Variants in IL7 observed in about 807,000 individuals in gnomAD.
IL7 encodes interleukin-7.
In IL7, 3 loss-of-function variants were observed where a neutral mutation model predicts 21.6. That is an observed-to-expected ratio of 0.14 (90% CI 0.06 to 0.36). The LOEUF is 0.36. Among genes scored for constraint, IL7 ranks in the 10% least tolerant of loss-of-function variants. The probability of loss-of-function intolerance (pLI) is 1.00; values close to 1 mark genes in which losing one functional copy is unlikely to be tolerated. For synonymous variants in IL7, 62 were observed against 68.1 expected, an observed-to-expected ratio of 0.91 and a Z score of 0.44; for missense variants, 175 against 200.2, an observed-to-expected ratio of 0.87 and a Z score of 0.76.
At chr8:78,775,222 C>A (rs770640302) in intron 2 of IL7, among the ~76,000 whole-genome samples, 1 of 152,020 alleles carries the variant, frequency 6.6e-6, no homozygotes, top group Non-Finnish European at 1.5e-5. Flanking sequence ...CTATATGATT[C>A]AACAATTGGC....
At position 78,780,643 on chromosome 8, in the gene IL7, A is replaced by G. The variant is rs1197315193; in HGVS notation, c.147+17429T>C. ...TTTGGCATTTGCTGAGGAGTGTTTT[A>G]CATCCAATTATGTGGTTGATTTTAC... On this transcript the variant is annotated intron_variant, in intron 2 of 5. Transcript: ENST00000263851. Among the ~76,000 whole-genome samples, 5 of 152,168 alleles carry G rather than the reference A, an allele frequency of 3.3e-5. No homozygotes were observed. The East Asian group carries it at 9.6e-4, about 29-fold the overall frequency.
At position 78,805,219 on chromosome 8, in the gene IL7, C is replaced by A. The variant is rs995488457; in HGVS notation, c.-297G>T. 3 of 353,562 alleles carry A rather than the reference C, an allele frequency of 8.5e-6. No homozygotes were observed. Among genetic ancestry groups the A allele is most frequent in the African/African-American group, 6.4e-5 (3 of 47,168 alleles). The allele number at this position is 353,562 out of a possible 1,614,324, so 21.9% of individuals were successfully genotyped here. On this transcript the variant is annotated 5_prime_UTR_variant, in exon 1 of 6. Transcript: ENST00000263851. ...TTTGCGCTTGGTCTGCAGGTTCAAT[C>A]TTTGGGATCATCAGCATGGAATCTT...
intron 2 of IL7, among the ~76,000 whole-genome samples, chr8:78,797,392 C>T (rs1813890125): frequency 6.6e-6 from 1 of 151,908 alleles, no homozygotes; most frequent in Admixed American, 6.6e-5. Flanking sequence ...CTAATGTTAA[C>T]TATGCACTTA....
At chr8:78,757,513 G>T (rs1812388204) in intron 2 of IL7, among the ~76,000 whole-genome samples, 1 of 151,912 alleles carries the variant, frequency 6.6e-6, no homozygotes, top group African/African-American at 2.4e-5. Flanking sequence ...TACTGTATTG[G>T]AGTCTATCTC....
At chr8:78,762,237 T>C in intron 2 of IL7, 2 of 1,577,100 alleles carry the variant, frequency 1.3e-6, no homozygotes, top group African/African-American at 2.7e-5. Context: ...ATCATAGAGG[T>C]CTCAAAATGT....
chr8:78,769,632 G>A (rs1354824646), intron 2 of IL7, among the ~76,000 whole-genome samples: 1 of 152,128 alleles, frequency 6.6e-6, no homozygotes, highest in Non-Finnish European at 1.5e-5. Flanking sequence ...TAGATTCAAT[G>A]CCATCCCCAT....
intron 4 of IL7, among the ~76,000 whole-genome samples, chr8:78,682,186 G>C (rs1809809515): frequency 6.6e-6 from 1 of 152,138 alleles, no homozygotes; most frequent in African/African-American, 2.4e-5. Flanking sequence ...ATCATGTTTA[G>C]TGGAGGACAC....
At chr8:78,684,652 G>C (rs887054288) in intron 4 of IL7, among the ~76,000 whole-genome samples, 1 of 152,160 alleles carries the variant, frequency 6.6e-6, no homozygotes, top group Non-Finnish European at 1.5e-5. Context: ...AACAACAGGA[G>C]TAAAGGGAAG....
chr8:78,745,556 G>A (rs994315676), intron 2 of IL7, among the ~76,000 whole-genome samples: 1 of 152,162 alleles, frequency 6.6e-6, no homozygotes, highest in Admixed American at 6.5e-5. Flanking sequence ...TTAAACTTTG[G>A]TCTAGATACT....
At chr8:78,693,761 CT>C (rs1309946990) in intron 3 of IL7, among the ~76,000 whole-genome samples, 6 of 152,140 alleles carry the variant, frequency 3.9e-5, no homozygotes, top group Non-Finnish European at 8.8e-5. Flanking sequence ...TCAATTTTGG[CT>C]TTTGTTGCCA....
chr8:78,760,832 T>C, intron 2 of IL7: 1 of 1,553,392 alleles, frequency 6.4e-7, no homozygotes, highest in African/African-American at 1.4e-5. Context: ...CCAAAATTCA[T>C]TATAAACTTC....
At chr8:78,762,310 C>G in intron 2 of IL7, 2 of 1,601,770 alleles carry the variant, frequency 1.2e-6, no homozygotes, top group East Asian at 2.2e-5. Context: ...AGTCTGCTCT[C>G]CTACAGTTCT....
chr8:78,804,402 G>GA (rs1814223528), intron 1 of IL7, among the ~76,000 whole-genome samples: 2 of 152,188 alleles, frequency 1.3e-5, no homozygotes, highest in South Asian at 2.1e-4. Context: ...ACTCAGGGGG[G>GA]AAAAATGGGG....
chr8:78,717,279 A>G, downstream of IL7: 1 of 1,550,774 alleles, frequency 6.4e-7, no homozygotes, highest in Non-Finnish European at 8.7e-7. Flanking sequence ...TATGGGTTGA[A>G]AACTACTGAT....
chr8:78,715,207 C>A, downstream of IL7: 1 of 1,607,538 alleles, frequency 6.2e-7, no homozygotes, highest in Non-Finnish European at 8.5e-7. Context: ...CATTATTTTT[C>A]CTCTTTTTTA....
downstream of IL7, among the ~76,000 whole-genome samples, chr8:78,732,359 GAA>G (rs1157525023): frequency 6.6e-6 from 1 of 152,050 alleles, no homozygotes; most frequent in Non-Finnish European, 1.5e-5. Flanking sequence ...ATGGGTCAAG[GAA>G]AGTGAGAGAA....
At chr8:78,760,970 A>G in intron 2 of IL7, 3 of 1,577,292 alleles carry the variant, frequency 1.9e-6, no homozygotes, top group Non-Finnish European at 1.7e-6. Context: ...GACATTTTTA[A>G]GAACAACAAT....
At chr8:78,704,579 G>A (rs1242915273) in intron 3 of IL7, among the ~76,000 whole-genome samples, 1 of 151,898 alleles carries the variant, frequency 6.6e-6, no homozygotes, top group African/African-American at 2.4e-5. Flanking sequence ...TGTGTCTTGT[G>A]GATGATCATC....
At position 78,733,656 on chromosome 8, in the gene IL7, T is replaced by C; in HGVS notation, c.*57A>G. ...CACTCTGAAAAACTGCATAAGCAGA[T>C]AGATTCTTGGAGGATGCAGCTAAAG... is the stretch of plus-strand genomic sequence containing the variant. On this transcript the variant is annotated 3_prime_UTR_variant, in exon 6 of 6. Coordinates refer to ENST00000263851, the MANE Select transcript of IL7 (RefSeq NM_000880.4). 6.4e-7 allele frequency: 1 copy of C among 1,563,914 alleles called. No homozygotes were observed. Among genetic ancestry groups the C allele is most frequent in the Non-Finnish European group, 8.7e-7 (1 of 1,155,020 alleles).
Sources: allele counts gnomAD v4.1 joint callset (sites outside exome capture counted in the v4.1 genomes callset), GRCh38; gene constraint gnomAD v4.1.1; transcripts MANE v1.5; gene names NCBI Gene and HGNC (gene_info 2026-07-23, HGNC 2026-07-21).